The following BEND7 variants were observed in gnomAD, a reference collection of about 807,000 sequenced individuals.
BEND7 encodes the protein BEN domain-containing protein 7.
BEND7 carries 28 observed loss-of-function variants against 50.9 expected under a neutral mutation model. That is an observed-to-expected ratio of 0.55 (90% CI 0.41 to 0.75). The LOEUF (loss-of-function observed/expected upper bound fraction) is 0.75. Among genes scored for constraint, BEND7 ranks in the 30% least tolerant of loss-of-function variants. BEND7 has a pLI of 0.00. For missense variants in BEND7, 477 were observed against 491.3 expected (o/e 0.97, Z 0.28); for synonymous variants, 170 against 183.9 (o/e 0.92, Z 0.61).
intron 6 of BEND7, among the ~76,000 whole-genome samples, chr10:13,463,895 T>C (rs1051051976): frequency 2.6e-5 from 4 of 152,110 alleles, no homozygotes; most frequent in African/African-American, 9.7e-5. Flanking sequence ...AGGATGGAAA[T>C]TCACAGAGGA....
intron 5 of BEND7, among the ~76,000 whole-genome samples, chr10:13,484,588 A>G (rs2076089557): frequency 6.6e-6 from 1 of 152,256 alleles, no homozygotes; most frequent in Non-Finnish European, 1.5e-5. Context: ...TTTGAAAACT[A>G]GACTTCTCTT....
intron 8 of BEND7, chr10:13,444,555 A>T (rs372159553): frequency 6.6e-6 from 1 of 152,232 alleles, no homozygotes; most frequent in Non-Finnish European, 1.5e-5. Context: ...TGGGATAATG[A>T]GAGTCTGTAT....
chr10:13,490,295 G>A (rs1271588978), intron 5 of BEND7, among the ~76,000 whole-genome samples: 1 of 152,194 alleles, frequency 6.6e-6, no homozygotes, highest in East Asian at 1.9e-4. Flanking sequence ...TCTTTCTCCT[G>A]TGCTCGAGGT....
chr10:13,481,088 T>A lies in BEND7; in HGVS notation c.874A>T (p.Met292Leu). Residue 292 changes from methionine (M) to leucine (L), a missense_variant, in exon 6 of 9, where the codon ATG becomes TTG. Physicochemically the swap from Met to Leu is conservative, Grantham distance 15. Around this residue, in one of 3 missense-constraint regions of BEND7, gnomAD observed 396 missense variants for 384.2 expected, o/e 1.03. Coordinates refer to ENST00000466271, the MANE Select transcript of BEND7 (RefSeq NM_001369863.1). ...VQLAEGFDVF[M>L]PKSQLDSILS... The stretch of plus-strand genomic sequence containing the variant: ...ATAGAGTCCAGCTGAGATTTAGGCA[T>A]AAACACGTCAAAGCCTTCAGCAAGT... 6.2e-7 allele frequency: 1 copy of A among 1,614,118 alleles called. No individual in the cohort carries two copies. Among genetic ancestry groups the A allele is most frequent in the South Asian group, 1.1e-5 (1 of 91,064 alleles).
chr10:13,489,228 C>T (rs757069805), intron 5 of BEND7, among the ~76,000 whole-genome samples: 5 of 152,170 alleles, frequency 3.3e-5, no homozygotes, highest in Non-Finnish European at 7.4e-5. Flanking sequence ...AGCTGAGAGT[C>T]TAACCCAGGC....
chr10:13,487,047 T>C lies in BEND7; in HGVS notation c.837+5564A>G, dbSNP rs574811926. ...GCTATTATAATTACTGTTTGTGAAT[T>C]TTCCTTCATGTGCTCCTTCAAGGGC... On this transcript the variant is annotated intron_variant, in intron 5 of 8. Transcript: ENST00000466271. 2.0e-5 allele frequency among the ~76,000 whole-genome samples: 3 copies of C among 152,334 alleles called. No homozygotes were observed. In the East Asian group the frequency reaches 5.8e-4, roughly 29 times the overall value.
At position 13,480,811 on chromosome 10, in the gene BEND7, G is replaced by C. The variant is rs1430067119; in HGVS notation, c.1063+88C>G. On this transcript the variant is annotated intron_variant, in intron 6 of 8. Transcript: ENST00000466271. ...CAATGGCAAATGAAACTGGCCACTA[G>C]TCAGTTTACTACAATTTCAGCTGCA... 1.9e-6 allele frequency: 3 copies of C among 1,571,030 alleles called. No homozygotes were observed. In the East Asian group the frequency reaches 6.7e-5, roughly 35 times the overall value.
chr10:13,441,452 T>C lies in BEND7; in HGVS notation c.*291A>G. ...TGTGTAGATCCGTTCATCGCACACA[T>C]CTTTGGGTTGAACAAGCTCCACCCG... On this transcript the variant is annotated 3_prime_UTR_variant, in exon 9 of 9. Transcript: ENST00000466271. 2 of 1,282,276 alleles carry C rather than the reference T, an allele frequency of 1.6e-6. No individual in the cohort carries two copies. Among genetic ancestry groups the C allele is most frequent in the Non-Finnish European group, 2.0e-6 (2 of 1,015,998 alleles). The allele number at this position is 1,282,276 out of a possible 1,614,324, so 79.4% of individuals were successfully genotyped here. A position where few individuals can be genotyped will look rare whatever the true frequency, so the allele number is the denominator to read the frequency against.
intron 2 of BEND7, among the ~76,000 whole-genome samples, chr10:13,501,234 C>T (rs2077427744): frequency 1.3e-5 from 2 of 151,768 alleles, no homozygotes; most frequent in South Asian, 2.1e-4. Context: ...ATTAGCCAGG[C>T]GTGGTGGCAC....
intron 2 of BEND7, among the ~76,000 whole-genome samples, chr10:13,519,488 G>GAA (rs60100723): frequency 0.023 from 3,374 of 145,828 alleles, 67 homozygotes; most frequent in South Asian, 0.076. Context: ...AAAAAAGAAA[G>GAA]AAAAAAAAAA....
In BEND7 at chr10:13,507,751, A is replaced by T. The variant is rs151228155; in HGVS notation, c.146-7671T>A. ...GAAGCAGTGCAGAAGCATCTGCAGGAGAGGTGACAATGAGAATGCATCTCT... is the reference window on the plus strand; with the variant it reads ...GAAGCAGTGCAGAAGCATCTGCAGGTGAGGTGACAATGAGAATGCATCTCT... On this transcript the variant is annotated intron_variant, in intron 2 of 8. Transcript: ENST00000466271. Among the ~76,000 whole-genome samples the T allele has an allele frequency of 1.5e-3, 227 of 152,328 alleles. 7 individuals are homozygous for T. In the South Asian group the frequency reaches 0.037, roughly 25 times the overall value.
chr10:13,515,624 C>A (rs1296075794), intron 2 of BEND7, among the ~76,000 whole-genome samples: 1 of 152,172 alleles, frequency 6.6e-6, no homozygotes, highest in East Asian at 1.9e-4. Flanking sequence ...GGCACAGTAA[C>A]CTGACCCCCA....
intron 6 of BEND7, among the ~76,000 whole-genome samples, chr10:13,474,673 C>T (rs186970807): frequency 3.3e-5 from 5 of 151,956 alleles, no homozygotes; most frequent in Non-Finnish European, 7.4e-5. Context: ...GGACTCCGGT[C>T]GATATCCGTC....
intron 5 of BEND7, among the ~76,000 whole-genome samples, chr10:13,488,194 T>C (rs1588901125): frequency 6.6e-6 from 1 of 152,074 alleles, no homozygotes; most frequent in South Asian, 2.1e-4. Context: ...AATCTAGTAT[T>C]ACTGGAGACT....
At chr10:13,467,534 T>C (rs2074376894) in intron 6 of BEND7, among the ~76,000 whole-genome samples, 1 of 152,256 alleles carries the variant, frequency 6.6e-6, no homozygotes, top group African/African-American at 2.4e-5. Flanking sequence ...CACAGCCCCA[T>C]TAAATACAAA....
chr10:13,471,383 CT>C (rs1462487454), intron 6 of BEND7, among the ~76,000 whole-genome samples: 2 of 152,232 alleles, frequency 1.3e-5, no homozygotes, highest in Non-Finnish European at 2.9e-5. Flanking sequence ...ATCATGTCTT[CT>C]GTTAACACAC....
Position 13,441,438 on chromosome 10 carries a change from G to GGGTGT in BEND7, c.*304_*305insACACC. The GGGTGT allele has an allele frequency of 9.0e-7, 1 of 1,112,520 alleles. No individual in the cohort carries two copies. The highest frequency in any genetic ancestry group is 4.2e-5 in the South Asian group (1 of 23,582). 68.9% of individuals were successfully genotyped at this position (1,112,520 alleles called of 1,614,324 possible). A position where few individuals can be genotyped will look rare whatever the true frequency, so the allele number is the denominator to read the frequency against. On this transcript the variant is annotated 3_prime_UTR_variant, in exon 9 of 9. Transcript: ENST00000466271. ...ATACGTATTTCCAGTGTGTAGATCC[G>GGGTGT]TTCATCGCACACATCTTTGGGTTGA...
intron 3 of BEND7, among the ~76,000 whole-genome samples, chr10:13,499,353 A>T (rs1318424530): frequency 6.8e-6 from 1 of 146,194 alleles, no homozygotes; most frequent in Non-Finnish European, 1.5e-5. Context: ...TTTATCTGGG[A>T]CTCTTCTGAT....
rs762807863 is a variant in BEND7, at chr10:13,499,826, G to T, written c.400C>A (p.Arg134Ser). 3.1e-6 allele frequency: 5 copies of T among 1,613,906 alleles called. No homozygotes were observed. The highest frequency in any genetic ancestry group is 4.2e-6 in the Non-Finnish European group (5 of 1,179,824). Reference protein sequence around the residue: ...SGQFSGQYGTRSRTFQSQPHP... With the variant: ...SGQFSGQYGTSSRTFQSQPHP... ...GGCTGGCTTTGGAAGGTTCTAGAAC[G>T]GGTGCCATACTGCCCTGAGAACTGT... The change falls in exon 3 of 9, where the codon CGT becomes AGT. Residue 134 changes from arginine to serine, a missense_variant. Around this residue, in one of 3 missense-constraint regions of BEND7, gnomAD observed 396 missense variants for 384.2 expected, o/e 1.03. Coordinates refer to ENST00000466271, the MANE Select transcript of BEND7 (RefSeq NM_001369863.1).
Sources: gnomAD v4.1 joint callset for allele counts (sites outside exome capture counted in the v4.1 genomes callset) on GRCh38, gnomAD v4.1.1 for gene constraint, gnomAD v4.1.1 regional missense constraint, MANE v1.5 for transcripts, NCBI Gene and HGNC (gene_info 2026-07-23, HGNC 2026-07-21) for gene names.